Variants in UPB1 observed in about 807,000 individuals in gnomAD.
The protein encoded by UPB1 is beta-ureidopropionase 1.
In UPB1, 40 loss-of-function variants were observed where a neutral mutation model predicts 49.1. The ratio of observed to expected loss-of-function variants is 0.81; its 90% confidence interval spans 0.63 to 1.06. The LOEUF (loss-of-function observed/expected upper bound fraction) is 1.06, where lower values mean the gene tolerates loss of function less well. Among genes scored for constraint, UPB1 ranks in the 50% least tolerant of loss-of-function variants. The pLI, the probability that UPB1 is intolerant of heterozygous loss-of-function variation, is 0.00. For missense variants in UPB1, 499 were observed against 505.9 expected (o/e 0.99, Z 0.13); for synonymous variants, 207 against 198.2 (o/e 1.04, Z -0.38).
chr22:24,506,472 TCTG>T (rs1276633350), intron 3 of UPB1, among the ~76,000 whole-genome samples: 6 of 152,338 alleles, frequency 3.9e-5, no homozygotes, highest in South Asian at 2.1e-4. Context: ...TTTTCTCTGA[TCTG>T]CTGAGAGATT....
At chr22:24,508,024 G>A (rs1006145690) in intron 3 of UPB1, among the ~76,000 whole-genome samples, 2 of 151,990 alleles carry the variant, frequency 1.3e-5, no homozygotes, top group African/African-American at 2.4e-5. Flanking sequence ...GGCCCCCTCC[G>A]CCGTATGGGG....
Position 24,522,009 on chromosome 22 carries a change from C to G in UPB1, c.897C>G (p.Thr299=). 6.2e-7 allele frequency: 1 copy of G among 1,614,124 alleles called. No individual in the cohort carries two copies. The highest frequency in any genetic ancestry group is 8.5e-7 in the Non-Finnish European group (1 of 1,180,020). Residue 299 remains threonine (T), a synonymous_variant, in exon 8 of 10, where the codon ACC becomes ACG. Coordinates refer to ENST00000326010, the MANE Select transcript of UPB1 (RefSeq NM_016327.3). The stretch of plus-strand genomic sequence containing the variant: ...AGGAGCACTTCCCGAACGAGTTTAC[C>G]TCGGGAGATGGAAAGAAAGGTATGT... ...VGTEHFPNEF[T]SGDGKKAHQD...
Position 24,513,519 on chromosome 22 carries a change from C to T in UPB1, c.621+34C>T, listed in dbSNP as rs2044243380. 1.9e-6 allele frequency: 3 copies of T among 1,605,166 alleles called. No individual in the cohort carries two copies. In the South Asian group the frequency reaches 3.3e-5, roughly 18 times the overall value. On this transcript the variant is annotated intron_variant, in intron 5 of 9. Coordinates refer to ENST00000326010, the MANE Select transcript of UPB1 (RefSeq NM_016327.3). ...CCCATAAGATAGATAACCAGCCCTG[C>T]TCACTTGCCCCTCTGTATGTTGTAG... is the stretch of plus-strand genomic sequence containing the variant.
intron 4 of UPB1, 122 bp from the exon 5 acceptor site, chr22:24,513,202 C>T: frequency 1.4e-6 from 2 of 1,412,906 alleles, no homozygotes; most frequent in East Asian, 2.4e-5. Context: ...GTGTTCCAAA[C>T]AACAAATGCA....
chr22:24,515,918 G>A (rs2044286099), intron 6 of UPB1, among the ~76,000 whole-genome samples: 1 of 152,360 alleles, frequency 6.6e-6, no homozygotes, highest in African/African-American at 2.4e-5. Context: ...GGAGGTTGCA[G>A]TGAGCCAAGA....
intron 3 of UPB1, chr22:24,502,869 C>A: frequency 4.2e-6 from 1 of 236,764 alleles, no homozygotes; most frequent in Non-Finnish European, 8.3e-6. Flanking sequence ...TGTTCTATCC[C>A]CCCAGCCCAT....
rs758160923 is a variant in UPB1, at chr22:24,513,358, C to T, written c.494C>T (p.Pro165Leu). 1.2e-6 allele frequency: 2 copies of T among 1,614,126 alleles called. No homozygotes were observed. The highest frequency in any genetic ancestry group is 2.2e-5 in the East Asian group (1 of 44,882). ...AACCATGACATGGTGGTGGTGTCTC[C>T]CATCCTGGAACGAGACAGCGAGCAT... ...AKNHDMVVVS[P>L]ILERDSEHGD... The change falls in exon 5 of 10, where the codon CCC becomes CTC. Residue 165 changes from proline to leucine, a missense_variant. Physicochemically the swap from Pro to Leu is moderately conservative, Grantham distance 98. Coordinates refer to ENST00000326010, the MANE Select transcript of UPB1 (RefSeq NM_016327.3).
intron 8 of UPB1, among the ~76,000 whole-genome samples, chr22:24,523,266 G>A (rs961640593): frequency 1.3e-5 from 2 of 152,212 alleles, no homozygotes; most frequent in African/African-American, 4.8e-5. Flanking sequence ...CAGCTGGCAA[G>A]GCAGATGAAG....
Position 24,520,117 on chromosome 22 carries a change from G to A in UPB1, c.792-270G>A, listed in dbSNP as rs558472790. 280 of 533,288 alleles carry A rather than the reference G, an allele frequency of 5.3e-4. 5 individuals carry two copies. The South Asian group carries it at 5.4e-3, about 10-fold the overall frequency. The allele number at this position is 533,288 out of a possible 1,614,324, so 33.0% of individuals were successfully genotyped here. A position where few individuals can be genotyped will look rare whatever the true frequency, so the allele number is the denominator to read the frequency against. On this transcript the variant is annotated intron_variant, in intron 6 of 9. Transcript: ENST00000326010. Reference sequence around the variant, plus strand: ...AATTCTTCTGACAGAGCACAGCCACGTGGCTTATGCCTGCAGCAGGCCCTT... The same window carrying A: ...AATTCTTCTGACAGAGCACAGCCACATGGCTTATGCCTGCAGCAGGCCCTT...
intron 5 of UPB1, 123 bp from the exon 6 acceptor site, chr22:24,515,078 A>G: frequency 7.8e-7 from 1 of 1,274,818 alleles, no homozygotes. Flanking sequence ...GAAATTCTGG[A>G]ACTTAGAGTC....
chr22:24,525,316 C>T (rs1291359565), intron 9 of UPB1, among the ~76,000 whole-genome samples: 1 of 152,162 alleles, frequency 6.6e-6, no homozygotes, highest in Non-Finnish European at 1.5e-5. Context: ...AGACAGAACT[C>T]CAGGCCCATC....
At chr22:24,510,984 A>C in intron 4 of UPB1, 141 bp downstream of exon 4, 2 of 796,414 alleles carry the variant, frequency 2.5e-6, no homozygotes, top group Non-Finnish European at 4.1e-6. Flanking sequence ...ATTAGATAAG[A>C]CTATCTGCCA....
At chr22:24,495,692 T>C (rs1005682424) in intron 1 of UPB1, among the ~76,000 whole-genome samples, 185 bp downstream of exon 1, 4 of 152,016 alleles carry the variant, frequency 2.6e-5, no homozygotes, top group Admixed American at 2.6e-4. Flanking sequence ...GGTTGCAGAA[T>C]CCTGGCGTGA....
In UPB1 at chr22:24,526,612, G is replaced by C. The variant is rs79501227; in HGVS notation, c.*818G>C. ...TGGTTCTGCTTCTCTAGTTGAATCTGACTGATACAGATTTTGGTGCCAAAA... is the reference window on the plus strand; with the variant it reads ...TGGTTCTGCTTCTCTAGTTGAATCTCACTGATACAGATTTTGGTGCCAAAA... On this transcript the variant is annotated 3_prime_UTR_variant, in exon 10 of 10. Coordinates refer to ENST00000326010, the MANE Select transcript of UPB1 (RefSeq NM_016327.3). 1 of 152,310 alleles carries C rather than the reference G, an allele frequency of 6.6e-6. No individual in the cohort carries two copies. The highest frequency in any genetic ancestry group is 2.4e-5 in the African/African-American group (1 of 41,552). The allele number at this position is 152,310 out of a possible 1,614,324, so 9.4% of individuals were successfully genotyped here.
chr22:24,513,500 A>G lies in UPB1; in HGVS notation c.621+15A>G, dbSNP rs1475926641. The G allele has an allele frequency of 1.9e-6, 3 of 1,612,892 alleles. No individual in the cohort carries two copies. The highest frequency in any genetic ancestry group is 4.5e-5 in the East Asian group (2 of 44,870). ...ATTTCAACGAGGTGAGCCACCCATA[A>G]GATAGATAACCAGCCCTGCTCACTT... is the stretch of plus-strand genomic sequence containing the variant. On this transcript the variant is annotated intron_variant, in intron 5 of 9. Coordinates refer to ENST00000326010, the MANE Select transcript of UPB1 (RefSeq NM_016327.3).
rs1365826890 is a variant in UPB1 at position 24,501,436 on chromosome 22, GAGTGAC to G, written c.277-687_277-682del. On this transcript the variant is annotated intron_variant, in intron 2 of 9. Coordinates refer to ENST00000326010, the MANE Select transcript of UPB1 (RefSeq NM_016327.3). ...CCCCAAGGAGCCTGTGGGGTCCTGG[GAGTGAC>G]AGACAGCAGAGGAAGAGTGGCACAC... is the stretch of plus-strand genomic sequence containing the variant. 3.9e-5 allele frequency among the ~76,000 whole-genome samples: 6 copies of G among 152,370 alleles called. No homozygotes were observed. In the East Asian group the frequency reaches 9.6e-4, roughly 24 times the overall value.
At chr22:24,525,281 T>G (rs2044463990) in intron 9 of UPB1, among the ~76,000 whole-genome samples, 1 of 152,142 alleles carries the variant, frequency 6.6e-6, no homozygotes. Context: ...AGCCTCTGTA[T>G]CCACGATGAG....
chr22:24,515,506 G>A lies in UPB1; in HGVS notation c.791+136G>A, dbSNP rs539480751. 37 of 1,214,188 alleles carry A rather than the reference G, an allele frequency of 3.0e-5. No homozygotes were observed. In the African/African-American group the frequency reaches 5.1e-4, roughly 17 times the overall value. The allele number at this position is 1,214,188 out of a possible 1,614,324, so 75.2% of individuals were successfully genotyped here. A position where few individuals can be genotyped will look rare whatever the true frequency, so the allele number is the denominator to read the frequency against. Reference sequence around the variant, plus strand: ...TTAACAGAGCTGAGCCCCCAGGATTGCATGTTGTACATGTGACCAGCTTTT... The same window carrying A: ...TTAACAGAGCTGAGCCCCCAGGATTACATGTTGTACATGTGACCAGCTTTT... On this transcript the variant is annotated intron_variant, in intron 6 of 9. Coordinates refer to ENST00000326010, the MANE Select transcript of UPB1 (RefSeq NM_016327.3).
At chr22:24,511,534 T>C (rs2044201272) in intron 4 of UPB1, among the ~76,000 whole-genome samples, 1 of 151,970 alleles carries the variant, frequency 6.6e-6, no homozygotes, top group South Asian at 2.1e-4. Context: ...CTCCTTGTTC[T>C]GCTGTTTCCC....
Sources: gnomAD v4.1 joint callset for allele counts (sites outside exome capture counted in the v4.1 genomes callset) on GRCh38, gnomAD v4.1.1 for gene constraint, MANE v1.5 for transcripts, NCBI Gene and HGNC (gene_info 2026-07-23, HGNC 2026-07-21) for gene names.